Variants in NSD1 observed in about 807,000 individuals in gnomAD.
The protein encoded by NSD1 is nuclear receptor binding SET domain protein 1, also known as histone-lysine N-methyltransferase, H3 lysine-36 specific.
A neutral mutation model predicts 242.7 loss-of-function variants in NSD1; 26 were observed. The observed-to-expected ratio is 0.11, with a 90% CI of 0.08 to 0.15. The LOEUF (loss-of-function observed/expected upper bound fraction) is 0.15, where lower values mean the gene tolerates loss of function less well. Ranked by LOEUF, NSD1 falls within the 10% of genes least tolerant of loss-of-function variation. NSD1 has a pLI of 1.00. For missense variants in NSD1, 2,495 were observed against 3,272.8 expected (o/e 0.76, Z 5.80); for synonymous variants, 1,106 against 1,178.1 (o/e 0.94, Z 1.25).
intron 2 of NSD1, among the ~76,000 whole-genome samples, chr5:177,139,941 C>CA (rs58879575): frequency 0.17 from 15,985 of 95,314 alleles, 1,488 homozygotes; most frequent in African/African-American, 0.35. Flanking sequence ...AAGATCCTGT[C>CA]AAAAAAAAAA....
intron 2 of NSD1, among the ~76,000 whole-genome samples, chr5:177,180,122 T>C (rs1309798820): frequency 6.6e-6 from 1 of 150,804 alleles, no homozygotes; most frequent in African/African-American, 2.4e-5. Context: ...TGAGACAGAG[T>C]CTCGCTGTGT....
chr5:177,212,633 G>A (rs1466135599), intron 5 of NSD1, among the ~76,000 whole-genome samples: 1 of 151,320 alleles, frequency 6.6e-6, no homozygotes, highest in Admixed American at 6.6e-5. Context: ...CCTGTTCCCC[G>A]TTTCTTACCT....
At chr5:177,178,801 C>G (rs1760420046) in intron 2 of NSD1, among the ~76,000 whole-genome samples, 1 of 151,976 alleles carries the variant, frequency 6.6e-6, no homozygotes, top group Non-Finnish European at 1.5e-5. Context: ...TGAGTAGGTG[C>G]TGGAGTTTAA....
chr5:177,231,795 A>G (rs1272986898), intron 5 of NSD1, among the ~76,000 whole-genome samples: 1 of 152,178 alleles, frequency 6.6e-6, no homozygotes, highest in Non-Finnish European at 1.5e-5. Context: ...CTTTTGATCC[A>G]TAAAGCAATT....
Position 177,185,730 on chromosome 5 carries a change from T to TATATATTTTATATATTATATATA in NSD1, c.928-6137_928-6115dup, listed in dbSNP as rs1405296131. Among the ~76,000 whole-genome samples, 524 of 106,240 alleles carry TATATATTTTATATATTATATATA rather than the reference T, an allele frequency of 4.9e-3. 5 individuals carry two copies. Among genetic ancestry groups the TATATATTTTATATATTATATATA allele is most frequent in the African/African-American group, 0.019 (502 of 26,138 alleles). The allele number at this position is 106,240 out of a possible 152,430, so 69.7% of individuals were successfully genotyped here. On this transcript the variant is annotated intron_variant, in intron 2 of 22. Coordinates refer to ENST00000439151, the MANE Select transcript of NSD1 (RefSeq NM_022455.5). ...TATATACATTATATATTATATATTATATATATTTTATATATTATATATAAT... is the reference window on the plus strand; with the variant it reads ...TATATACATTATATATTATATATTATATATATTTTATATATTATATATAATATATTTTATATATTATATATAAT...
intron 8 of NSD1, among the ~76,000 whole-genome samples, chr5:177,240,217 T>C (rs1765747501): frequency 6.6e-6 from 1 of 152,184 alleles, no homozygotes; most frequent in Non-Finnish European, 1.5e-5. Flanking sequence ...CCTATTGCCG[T>C]GTCGTCGTAG....
At chr5:177,136,105 C>A in intron 2 of NSD1, 75 bp downstream of exon 2, 1 of 1,374,050 alleles carries the variant, frequency 7.3e-7, no homozygotes, top group Non-Finnish European at 1.0e-6. Flanking sequence ...AAACTTGTAA[C>A]AAATTTGTTT....
rs920598926 is a variant in NSD1, at chr5:177,297,860, G to A, written c.*2401G>A. 5 of 233,034 alleles carry A rather than the reference G, an allele frequency of 2.1e-5. No individual in the cohort carries two copies. The highest frequency in any genetic ancestry group is 5.6e-5 in the Admixed American group (1 of 17,760). The allele number at this position is 233,034 out of a possible 1,614,324, so 14.4% of individuals were successfully genotyped here. A position where few individuals can be genotyped will look rare whatever the true frequency, so the allele number is the denominator to read the frequency against. On this transcript the variant is annotated 3_prime_UTR_variant, in exon 23 of 23. Coordinates refer to ENST00000439151, the MANE Select transcript of NSD1 (RefSeq NM_022455.5). ...TTTATTTTGGTTCTTTCCATTCTCCGCCATTCATTGGAGGCTTCGTTCCAG... is the reference window on the plus strand; with the variant it reads ...TTTATTTTGGTTCTTTCCATTCTCCACCATTCATTGGAGGCTTCGTTCCAG...
chr5:177,148,765 C>G lies in NSD1; in HGVS notation c.927+12735C>G, dbSNP rs568912367. Among the ~76,000 whole-genome samples, 234 of 152,280 alleles carry G rather than the reference C, an allele frequency of 1.5e-3. 1 individual carries two copies. The highest frequency in any genetic ancestry group is 0.011 in the South Asian group (51 of 4,830). ...ATAAGAAACTACCAAGCTGTTTTCC[C>G]TAGTGTCTGTACCATTTACATTCTC... On this transcript the variant is annotated intron_variant, in intron 2 of 22. Transcript: ENST00000439151.
chr5:177,219,941 G>A (rs1381321347), intron 5 of NSD1, among the ~76,000 whole-genome samples: 3 of 152,012 alleles, frequency 2.0e-5, no homozygotes, highest in Non-Finnish European at 4.4e-5. Flanking sequence ...CAGCCTGGGC[G>A]ACAGAGTAAG....
intron 2 of NSD1, among the ~76,000 whole-genome samples, chr5:177,137,747 G>C (rs1184427621): frequency 6.6e-6 from 1 of 151,932 alleles, no homozygotes; most frequent in Non-Finnish European, 1.5e-5. Context: ...TTGTAAACCT[G>C]TTTCTCGTCA....
intron 19 of NSD1, among the ~76,000 whole-genome samples, chr5:177,283,165 G>T (rs1305212295): frequency 1.3e-5 from 2 of 152,132 alleles, no homozygotes; most frequent in African/African-American, 2.4e-5. Context: ...TGTTGGCCAG[G>T]CTGGTCTCAA....
intron 2 of NSD1, among the ~76,000 whole-genome samples, chr5:177,160,949 AGT>A (rs1758699684): frequency 6.6e-6 from 1 of 151,800 alleles, no homozygotes. Context: ...TTGTGTTTTT[AGT>A]AGAGATGAGG....
chr5:177,159,273 G>GC (rs1562133168), intron 2 of NSD1, among the ~76,000 whole-genome samples: 3 of 143,722 alleles, frequency 2.1e-5, no homozygotes, highest in African/African-American at 7.6e-5. Context: ...TTTCTTTCCA[G>GC]TTTTTTTTTT....
intron 18 of NSD1, 96 bp from the exon 19 acceptor site, chr5:177,282,369 G>C (rs1758959801): frequency 3.7e-6 from 3 of 816,002 alleles, no homozygotes; most frequent in Middle Eastern, 3.5e-4. Context: ...CTGCTTTGTA[G>C]AATGTGATGT....
rs11955018 is a variant in NSD1, at chr5:177,199,192, C to G, written c.1064-4928C>G. 4.3e-3 allele frequency among the ~76,000 whole-genome samples: 651 copies of G among 152,348 alleles called. 3 individuals carry two copies. Among genetic ancestry groups the G allele is most frequent in the African/African-American group, 0.014 (595 of 41,580 alleles). On this transcript the variant is annotated intron_variant, in intron 3 of 22. Coordinates refer to ENST00000439151, the MANE Select transcript of NSD1 (RefSeq NM_022455.5). ...GCTTTGTGTCAGAAATATTGCACAA[C>G]TGTAGACCAATGTAAGTGTTCTGAG...
At position 177,204,102 on chromosome 5, in the gene NSD1, T is replaced by C. The variant is rs1762705649; in HGVS notation, c.1064-18T>C. 1 of 1,612,352 alleles carries C rather than the reference T, an allele frequency of 6.2e-7. No individual in the cohort carries two copies. The highest frequency in any genetic ancestry group is 1.3e-5 in the African/African-American group (1 of 74,884). On this transcript the variant is annotated intron_variant, in intron 3 of 22. Transcript: ENST00000439151. ...ATTTCTTTGATCTAATGATTCTGGT[T>C]CTCTTACCCTTACCTAGTTTCCAAC...
intron 5 of NSD1, among the ~76,000 whole-genome samples, chr5:177,226,469 T>G (rs1764636262): frequency 6.6e-6 from 1 of 152,240 alleles, no homozygotes; most frequent in African/African-American, 2.4e-5. Flanking sequence ...ACCTGAAAGA[T>G]AAATTGCTAT....
intron 18 of NSD1, among the ~76,000 whole-genome samples, chr5:177,281,447 G>T (rs1034119362): frequency 1.3e-5 from 2 of 151,276 alleles, no homozygotes. Context: ...TTGCTAAGTA[G>T]TTATTTTTAT....
Sources: allele counts gnomAD v4.1 joint callset (sites outside exome capture counted in the v4.1 genomes callset), GRCh38; gene constraint gnomAD v4.1.1; transcripts MANE v1.5; gene names NCBI Gene and HGNC (gene_info 2026-07-23, HGNC 2026-07-21).